The following HSD17B3 variants were observed in gnomAD, a reference collection of about 807,000 sequenced individuals.
HSD17B3 encodes hydroxysteroid 17-beta dehydrogenase 3, also known as 17-beta-hydroxysteroid dehydrogenase type 3.
Under a neutral mutation model 41.1 loss-of-function variants are expected in HSD17B3, and 29 were observed. The ratio of observed to expected loss-of-function variants is 0.71; its 90% CI spans 0.53 to 0.96. HSD17B3 has a LOEUF of 0.96. HSD17B3 is among the 40% of genes least tolerant of loss of function. HSD17B3 has a pLI of 0.00. For missense variants in HSD17B3, 323 were observed against 374.6 expected (o/e 0.86, Z 1.14); for synonymous variants, 126 against 145.6 (o/e 0.87, Z 0.97).
intron 2 of HSD17B3, among the ~76,000 whole-genome samples, chr9:96,289,056 C>A (rs1256232999): frequency 6.6e-6 from 1 of 151,752 alleles, no homozygotes; most frequent in Non-Finnish European, 1.5e-5. Flanking sequence ...ATGCAATGAG[C>A]CGTGATCCCA....
At chr9:96,267,748 G>A (rs1181484811) in intron 2 of HSD17B3, among the ~76,000 whole-genome samples, 2 of 152,012 alleles carry the variant, frequency 1.3e-5, no homozygotes, top group Non-Finnish European at 2.9e-5. Context: ...AATGTTTTCA[G>A]GATCTGCATA....
intron 9 of HSD17B3, among the ~76,000 whole-genome samples, chr9:96,244,074 C>T (rs570405699): frequency 6.6e-6 from 1 of 152,330 alleles, no homozygotes; most frequent in Admixed American, 6.5e-5. Flanking sequence ...GCAGCCACTC[C>T]CCTCTCCTAT....
In HSD17B3 at chr9:96,300,607, T is replaced by TTGTGTGTGTGTG. The variant is rs10545828; in HGVS notation, c.154+1332_154+1343dup. Among the ~76,000 whole-genome samples, 112 of 109,886 alleles carry TTGTGTGTGTGTG rather than the reference T, an allele frequency of 1.0e-3. 7 individuals are homozygous for TTGTGTGTGTGTG. Among genetic ancestry groups the TTGTGTGTGTGTG allele is most frequent in the African/African-American group, 3.2e-3 (108 of 33,478 alleles). 72.1% of individuals were successfully genotyped at this position (109,886 alleles called of 152,430 possible). ...TTAATCATTTTTGTCATTGGATTCT[T>TTGTGTGTGTGTG]TGTGTGTGTGTGTGTGTGTGTGTGT... On this transcript the variant is annotated intron_variant, in intron 1 of 10. Transcript: ENST00000375263.
intron 10 of HSD17B3, among the ~76,000 whole-genome samples, chr9:96,237,193 T>C (rs113708650): frequency 1.3e-5 from 2 of 152,298 alleles, no homozygotes; most frequent in African/African-American, 4.8e-5. Context: ...AGGTCAGCCA[T>C]AAAGAAAATA....
chr9:96,283,971 TC>T (rs1826805999), intron 2 of HSD17B3, among the ~76,000 whole-genome samples: 2 of 152,042 alleles, frequency 1.3e-5, no homozygotes, highest in African/African-American at 4.8e-5. Context: ...TGCCTGTTAA[TC>T]CCAGCACTTT....
intron 2 of HSD17B3, among the ~76,000 whole-genome samples, chr9:96,278,996 C>T (rs1826583286): frequency 6.6e-6 from 1 of 152,202 alleles, no homozygotes; most frequent in Admixed American, 6.5e-5. Context: ...ATAAAATATT[C>T]TAAGGGGTGG....
At chr9:96,300,113 T>G (rs931087558) in intron 1 of HSD17B3, among the ~76,000 whole-genome samples, 2 of 151,282 alleles carry the variant, frequency 1.3e-5, no homozygotes, top group Admixed American at 6.6e-5. Context: ...GGCATCTGAA[T>G]CTGTGTGGAG....
intron 5 of HSD17B3, chr9:96,250,132 C>A: frequency 7.9e-7 from 1 of 1,269,222 alleles, no homozygotes; most frequent in Non-Finnish European, 1.0e-6. Flanking sequence ...CTATGTGAGT[C>A]CAGGAGAACA....
At chr9:96,237,074 CACA>C (rs1336371674) in intron 10 of HSD17B3, among the ~76,000 whole-genome samples, 2 of 152,226 alleles carry the variant, frequency 1.3e-5, no homozygotes, top group Admixed American at 1.3e-4. Context: ...GCTGAATCAA[CACA>C]ACTTCTTCCT....
chr9:96,262,144 T>C (rs1339563582), intron 2 of HSD17B3, among the ~76,000 whole-genome samples: 1 of 151,878 alleles, frequency 6.6e-6, no homozygotes, highest in Non-Finnish European at 1.5e-5. Context: ...TGAGACTGCT[T>C]ATTGAAAACA....
At chr9:96,273,024 A>G (rs559266532) in intron 2 of HSD17B3, among the ~76,000 whole-genome samples, 16 of 152,334 alleles carry the variant, frequency 1.1e-4, no homozygotes, top group African/African-American at 3.6e-4. Context: ...AATTATAGCA[A>G]TAGAGAACAG....
At chr9:96,297,402 A>T (rs1564066494) in intron 2 of HSD17B3, among the ~76,000 whole-genome samples, 1 of 141,422 alleles carries the variant, frequency 7.1e-6, no homozygotes, top group Non-Finnish European at 1.5e-5. Flanking sequence ...GCTGGCGTGC[A>T]ATGGTGCGAT....
chr9:96,254,925 T>C lies in HSD17B3; in HGVS notation c.220A>G (p.Asn74Asp), dbSNP rs1825569984. 6.2e-7 allele frequency: 1 copy of C among 1,613,766 alleles called. No individual in the cohort carries two copies. Among genetic ancestry groups the C allele is most frequent in the African/African-American group, 1.3e-5 (1 of 74,878 alleles). The change falls in exon 3 of 11, where the codon AAT (asparagine) becomes GAT (aspartate). Residue 74 changes from asparagine (N) to aspartate (D), a missense_variant. Transcript: ENST00000375263. ...YSFELAKRGLNVVLISRTLEK... is the reference protein window; with the variant it reads ...YSFELAKRGLDVVLISRTLEK... ...AGCGTCCGGCTAATAAGGACAACAT[T>C]GAGTCCACGTTTTGCTAGCTGAGAG...
At chr9:96,238,393 G>A (rs988444164) in intron 10 of HSD17B3, among the ~76,000 whole-genome samples, 1 of 151,954 alleles carries the variant, frequency 6.6e-6, no homozygotes, top group African/African-American at 2.4e-5. Context: ...TGGGTGTGGT[G>A]GCTCACGCCT....
chr9:96,294,207 G>A (rs1481834407), intron 2 of HSD17B3, among the ~76,000 whole-genome samples: 1 of 150,374 alleles, frequency 6.7e-6, no homozygotes, highest in African/African-American at 2.5e-5. Context: ...TTAAGCTTAG[G>A]AATTTGAGAA....
In HSD17B3 at chr9:96,268,592, C is replaced by A. The variant is rs529348883; in HGVS notation, c.202-13649G>T. Among the ~76,000 whole-genome samples, 5 of 152,256 alleles carry A rather than the reference C, an allele frequency of 3.3e-5. No individual in the cohort carries two copies. The South Asian group carries it at 1.0e-3, about 32-fold the overall frequency. On this transcript the variant is annotated intron_variant, in intron 2 of 10. Coordinates refer to ENST00000375263, the MANE Select transcript of HSD17B3 (RefSeq NM_000197.2). Reference sequence around the variant, plus strand: ...AAAAACCAATCATTCCAAAATTACACAATCTTTTTCAAAGAATAAAACACC... The same window carrying A: ...AAAAACCAATCATTCCAAAATTACAAAATCTTTTTCAAAGAATAAAACACC...
chr9:96,264,857 A>G (rs1476775312), intron 2 of HSD17B3, among the ~76,000 whole-genome samples: 2 of 152,210 alleles, frequency 1.3e-5, no homozygotes, highest in African/African-American at 2.4e-5. Flanking sequence ...TCTAGTTTAT[A>G]TTTTAGCTAA....
intron 2 of HSD17B3, among the ~76,000 whole-genome samples, chr9:96,286,475 G>C (rs1045069273): frequency 3.3e-5 from 5 of 152,136 alleles, no homozygotes; most frequent in African/African-American, 1.2e-4. Flanking sequence ...GATCACTTGA[G>C]GTTAGGAGTT....
chr9:96,252,697 C>T (rs1182096043), intron 4 of HSD17B3, 106 bp downstream of exon 4: 1 of 772,212 alleles, frequency 1.3e-6, no homozygotes, highest in Non-Finnish European at 2.3e-6. Flanking sequence ...AAAATACAGT[C>T]ATGGTTTGAG....
Sources: allele counts gnomAD v4.1 joint callset (sites outside exome capture counted in the v4.1 genomes callset), GRCh38; gene constraint gnomAD v4.1.1; transcripts MANE v1.5; gene names NCBI Gene and HGNC (gene_info 2026-07-23, HGNC 2026-07-21).